The following GCSAML variants were observed in gnomAD, a reference collection of about 807,000 sequenced individuals.
GCSAML encodes the protein germinal center-associated signaling and motility-like protein.
Under a neutral mutation model 13.0 loss-of-function variants are expected in GCSAML, and 9 were observed. That is an observed-to-expected ratio of 0.69 (90% confidence interval 0.42 to 1.21). The LOEUF (loss-of-function observed/expected upper bound fraction) is 1.21. GCSAML is among the 50% of genes most tolerant of loss of function. GCSAML has a pLI of 0.00. For missense variants in GCSAML, 143 were observed against 153.4 expected, an observed-to-expected ratio of 0.93 and a Z score of 0.36; for synonymous variants, 37 against 52.9, an observed-to-expected ratio of 0.70 and a Z score of 1.31.
intron 2 of GCSAML, among the ~76,000 whole-genome samples, chr1:247,542,019 G>GAA (rs796271161): frequency 9.2e-5 from 11 of 120,072 alleles, no homozygotes; most frequent in African/African-American, 2.8e-4. Context: ...CAAAAAAAAA[G>GAA]AAAAAAAAAA....
intron 2 of GCSAML, among the ~76,000 whole-genome samples, chr1:247,560,796 A>T (rs1406322582): frequency 6.6e-6 from 1 of 152,152 alleles, no homozygotes; most frequent in Non-Finnish European, 1.5e-5. Flanking sequence ...CTTTTAGCGA[A>T]TTTCAAGCAC....
chr1:247,532,399 AC>A, intron 2 of GCSAML: 1 of 1,614,106 alleles, frequency 6.2e-7, no homozygotes, highest in Non-Finnish European at 8.5e-7. Context: ...CAAGATCGAT[AC>A]CATGTAAAAA....
chr1:247,536,473 G>A (rs188668111), intron 2 of GCSAML: 1 of 152,326 alleles, frequency 6.6e-6, no homozygotes, highest in African/African-American at 2.4e-5. Flanking sequence ...GATAATCAAA[G>A]GAGTGAGAAT....
At chr1:247,563,342 G>A (rs905766267) in intron 2 of GCSAML, among the ~76,000 whole-genome samples, 1 of 152,174 alleles carries the variant, frequency 6.6e-6, no homozygotes, top group Non-Finnish European at 1.5e-5. Flanking sequence ...AATAATATAT[G>A]TAGTCTGATA....
intron 1 of GCSAML, among the ~76,000 whole-genome samples, chr1:247,522,320 C>T (rs1029660677): frequency 4.2e-5 from 4 of 94,738 alleles, no homozygotes; most frequent in South Asian, 4.0e-4. Flanking sequence ...ACCTGGCCGC[C>T]GCCCCGTCTG....
intron 1 of GCSAML, among the ~76,000 whole-genome samples, chr1:247,513,030 T>G (rs1267629619): frequency 2.6e-5 from 4 of 152,292 alleles, no homozygotes; most frequent in African/African-American, 9.6e-5. Context: ...TTAGCAGAGC[T>G]TGAGCGCTGT....
At chr1:247,567,124 A>G (rs191435542) in intron 4 of GCSAML, among the ~76,000 whole-genome samples, 70 of 149,954 alleles carry the variant, frequency 4.7e-4, no homozygotes, top group Non-Finnish European at 7.9e-4. Flanking sequence ...TTTTTTTTCT[A>G]GAAACATTTC....
At chr1:247,521,387 G>A (rs905747866) in intron 1 of GCSAML, among the ~76,000 whole-genome samples, 2 of 70,288 alleles carry the variant, frequency 2.8e-5, no homozygotes, top group Admixed American at 3.0e-4. Flanking sequence ...CCCTCTCCAC[G>A]GTCTCCCTCT....
At chr1:247,564,467 T>C (rs1250814979) in intron 3 of GCSAML, among the ~76,000 whole-genome samples, 1 of 152,056 alleles carries the variant, frequency 6.6e-6, no homozygotes, top group Non-Finnish European at 1.5e-5. Flanking sequence ...TCGACAGTTA[T>C]GAATAACAGG....
At chr1:247,524,126 C>T (rs897990057) in intron 1 of GCSAML, among the ~76,000 whole-genome samples, 1 of 152,094 alleles carries the variant, frequency 6.6e-6, no homozygotes, top group Non-Finnish European at 1.5e-5. Context: ...CATTTCTAAG[C>T]ATAACTCCAA....
chr1:247,569,417 G>A (rs562064783), intron 4 of GCSAML, among the ~76,000 whole-genome samples: 2 of 152,210 alleles, frequency 1.3e-5, no homozygotes, highest in African/African-American at 4.8e-5. Context: ...TAGCATGAAG[G>A]GGTGTTAAAT....
chr1:247,569,284 G>T (rs575067234), intron 4 of GCSAML, among the ~76,000 whole-genome samples: 1 of 152,162 alleles, frequency 6.6e-6, no homozygotes, highest in South Asian at 2.1e-4. Flanking sequence ...TTCTTGTGCT[G>T]GTTTTCAAAG....
chr1:247,509,700 T>G lies in GCSAML; in HGVS notation c.-263+2467T>G, dbSNP rs139941964. 3.9e-3 allele frequency among the ~76,000 whole-genome samples: 590 copies of G among 152,312 alleles called. 3 individuals are homozygous for G. The highest frequency in any genetic ancestry group is 5.7e-3 in the Non-Finnish European group (391 of 68,014). The stretch of plus-strand genomic sequence containing the variant: ...CATCAGTACCTAGTTTATTGAGAGT[T>G]TTTTGCATAAAGGGGTGTTGAATTT... On this transcript the variant is annotated intron_variant, in intron 1 of 5. Coordinates refer to the GCSAML transcript ENST00000366489.
At chr1:247,523,796 C>G (rs1041179809) in intron 1 of GCSAML, among the ~76,000 whole-genome samples, 30 of 151,508 alleles carry the variant, frequency 2.0e-4, no homozygotes, top group African/African-American at 7.3e-4. Context: ...ACATCAACAG[C>G]TATTAAAAGT....
At chr1:247,538,823 A>G (rs1239165269) in intron 2 of GCSAML, 1 of 450,670 alleles carries the variant, frequency 2.2e-6, no homozygotes, top group Non-Finnish European at 4.5e-6. Context: ...GCCCGCCACC[A>G]CCCAGTTTGT....
At chr1:247,569,242 GT>G (rs1668506942) in intron 4 of GCSAML, among the ~76,000 whole-genome samples, 1 of 152,256 alleles carries the variant, frequency 6.6e-6, no homozygotes, top group East Asian at 1.9e-4. Flanking sequence ...CCAATACTAT[GT>G]TGAATAGGAG....
intron 2 of GCSAML, chr1:247,530,520 C>CCCG (rs1416290260): frequency 2.2e-5 from 3 of 139,110 alleles, no homozygotes; most frequent in African/African-American, 7.6e-5. Flanking sequence ...CATGCCATCC[C>CCCG]CCCCCCACAA....
chr1:247,530,894 C>T (rs1291276612), intron 2 of GCSAML: 1 of 152,176 alleles, frequency 6.6e-6, no homozygotes, highest in Non-Finnish European at 1.5e-5. Context: ...CTTACCGCCG[C>T]CACCCGAAGG....
At chr1:247,570,679 A>AT (rs1668570958) in intron 4 of GCSAML, among the ~76,000 whole-genome samples, 1 of 152,120 alleles carries the variant, frequency 6.6e-6, no homozygotes. Context: ...AAGAATATAT[A>AT]TTTTGTTGAT....
Sources: gnomAD v4.1 joint callset for allele counts (sites outside exome capture counted in the v4.1 genomes callset) on GRCh38, gnomAD v4.1.1 for gene constraint, MANE v1.5 for transcripts, NCBI Gene and HGNC (gene_info 2026-07-23, HGNC 2026-07-21) for gene names.